LOXL1: variants seen among roughly 807,000 people sequenced by gnomAD.
LOXL1 encodes lysyl oxidase homolog 1.
In LOXL1, 31 loss-of-function variants were observed where a neutral mutation model predicts 62.2. The observed-to-expected ratio is 0.50, with a 90% CI of 0.37 to 0.67. The LOEUF (loss-of-function observed/expected upper bound fraction) is 0.67. Among genes scored for constraint, LOXL1 ranks in the 30% least tolerant of loss-of-function variants. The pLI is 0.00. For synonymous variants in LOXL1, 403 were observed against 384.4 expected (o/e 1.05, Z -0.56); for missense variants, 775 against 843.4 (o/e 0.92, Z 1.00).
intron 1 of LOXL1, among the ~76,000 whole-genome samples, chr15:73,931,632 C>T (rs1030107033): frequency 2.0e-5 from 3 of 152,168 alleles, no homozygotes; most frequent in Admixed American, 2.0e-4. Flanking sequence ...TGTCCAGCCT[C>T]CTGCACCCAA....
intron 3 of LOXL1, 100 bp from the exon 4 acceptor site, chr15:73,946,967 C>A: frequency 2.3e-6 from 3 of 1,299,288 alleles, no homozygotes; most frequent in South Asian, 3.1e-5. Flanking sequence ...GGAGGCTGTG[C>A]CACAGCAGGG....
At chr15:73,943,729 T>C (rs2068730518) in intron 2 of LOXL1, among the ~76,000 whole-genome samples, 1 of 152,254 alleles carries the variant, frequency 6.6e-6, no homozygotes, top group South Asian at 2.1e-4. Context: ...GTTATCTGCT[T>C]CTTTTGTTAA....
chr15:73,927,133 A>G lies in LOXL1; in HGVS notation c.350A>G (p.His117Arg). 7.0e-7 allele frequency: 1 copy of G among 1,432,712 alleles called. No individual in the cohort carries two copies. Among genetic ancestry groups the G allele is most frequent in the Non-Finnish European group, 9.2e-7 (1 of 1,087,798 alleles). 88.7% of individuals were successfully genotyped at this position (1,432,712 alleles called of 1,614,324 possible). A position where few individuals can be genotyped will look rare whatever the true frequency, so the allele number is the denominator to read the frequency against. Residue 117 changes from histidine (H) to arginine (R), a missense_variant, in exon 1 of 7, where the codon CAC (histidine) becomes CGC (arginine). His to Arg is a conservative substitution (Grantham distance 29). Transcript: ENST00000261921. ...GACACCGTGCGCGGCCAGGCGCGGC[A>G]CCCATTCGGCTTTGGCCAGGTGCCC... ...GSDTVRGQAR[H>R]PFGFGQVPDN... is the part of the protein sequence containing the mutation.
chr15:73,937,155 G>A (rs184729306), intron 1 of LOXL1, among the ~76,000 whole-genome samples: 139 of 152,302 alleles, frequency 9.1e-4, no homozygotes, highest in Non-Finnish European at 1.4e-3. Flanking sequence ...GGGCGGGCAC[G>A]GGAGCCGTCA....
chr15:73,928,053 CT>C (rs2068604370), intron 1 of LOXL1, 168 bp downstream of exon 1: 1 of 527,600 alleles, frequency 1.9e-6, no homozygotes, highest in Middle Eastern at 5.3e-4. Flanking sequence ...CAGCACCCCC[CT>C]GGCATCTCAC....
At chr15:73,931,257 G>A (rs1382347954) in intron 1 of LOXL1, among the ~76,000 whole-genome samples, 6 of 148,076 alleles carry the variant, frequency 4.1e-5, no homozygotes, top group Admixed American at 1.4e-4. Flanking sequence ...CTTGCCTGAC[G>A]TGTGTCCTCT....
intron 2 of LOXL1, 112 bp downstream of exon 2, chr15:73,943,074 C>A: frequency 1.2e-6 from 1 of 806,250 alleles, no homozygotes; most frequent in Non-Finnish European, 2.1e-6. Flanking sequence ...TGACCCTGGC[C>A]AAGTGCCCCA....
chr15:73,928,013 C>G (rs2068603796), intron 1 of LOXL1, 128 bp downstream of exon 1: 1 of 886,620 alleles, frequency 1.1e-6, no homozygotes, highest in Non-Finnish European at 1.5e-6. Context: ...CGGAGCAGCG[C>G]CCCCTCCCGA....
At position 73,946,447 on chromosome 15, in the gene LOXL1, C is replaced by T. The variant is rs200271730; in HGVS notation, c.1242C>T (p.Tyr414=). 2.8e-5 allele frequency: 45 copies of T among 1,610,040 alleles called. No individual in the cohort carries two copies. The Middle Eastern group carries it at 5.0e-4, about 18-fold the overall frequency. The part of the protein sequence containing the change: ...STAYAPEATD[Y]DVRVLLRFPQ... ...CCTATGCCCCTGAGGCCACCGACTA[C>T]GATGTGCGGGTGCTACTGCGCTTCC... Residue 414 remains tyrosine (Y), a synonymous_variant, in exon 3 of 7, where the codon TAC becomes TAT. Transcript: ENST00000261921.
rs1436408865 is a variant in LOXL1, at chr15:73,930,561, C to A, written c.1102+2676C>A. Among the ~76,000 whole-genome samples the A allele has an allele frequency of 6.6e-6, 1 of 152,184 alleles. No homozygotes were observed. Among genetic ancestry groups the A allele is most frequent in the African/African-American group, 2.4e-5 (1 of 41,442 alleles). Reference sequence around the variant, plus strand: ...GGTGTGGGAGCCCAAGGCGGATTCTCCGAGACTGACTTCATTCCTCCTGGC... The same window carrying A: ...GGTGTGGGAGCCCAAGGCGGATTCTACGAGACTGACTTCATTCCTCCTGGC... On this transcript the variant is annotated intron_variant, in intron 1 of 6. Transcript: ENST00000261921. This position sits in a 1 kb window ranked among gnomAD's most constrained non-coding sequence, Gnocchi z 4.7.
At chr15:73,937,014 G>A (rs2068678054) in intron 1 of LOXL1, among the ~76,000 whole-genome samples, 1 of 152,288 alleles carries the variant, frequency 6.6e-6, no homozygotes, top group Non-Finnish European at 1.5e-5. Context: ...GATGGGGAAA[G>A]TGAGCCTCAG....
Position 73,945,342 on chromosome 15 carries a change from G to A in LOXL1, c.1212-1075G>A, listed in dbSNP as rs2068740785. Among the ~76,000 whole-genome samples the A allele has an allele frequency of 6.6e-6, 1 of 152,210 alleles. No homozygotes were observed. Among genetic ancestry groups the A allele is most frequent in the Non-Finnish European group, 1.5e-5 (1 of 68,050 alleles). ...ATGGTATCGGGCTGTGCTGCAGTCA[G>A]TGCTGTTAGAGCTCACAGGCAATCC... On this transcript the variant is annotated intron_variant, in intron 2 of 6. Coordinates refer to ENST00000261921, the MANE Select transcript of LOXL1 (RefSeq NM_005576.4). The surrounding 1 kb of genome is among the most constrained non-coding windows in gnomAD (Gnocchi z 4.3).
rs752469342 is a variant in LOXL1 at position 73,947,195 on chromosome 15, A to T, written c.1478A>T (p.Lys493Met). ...EDSTCDFGNL[K>M]RYACTSHTQG... Reference sequence around the variant, plus strand: ...AGCACCTGTGACTTCGGCAACCTCAAGCGCTATGCATGCACCTCTCATACC... The same window carrying T: ...AGCACCTGTGACTTCGGCAACCTCATGCGCTATGCATGCACCTCTCATACC... The change falls in exon 4 of 7, where the codon AAG becomes ATG. Residue 493 changes from lysine to methionine, a missense_variant. Coordinates refer to ENST00000261921, the MANE Select transcript of LOXL1 (RefSeq NM_005576.4). 39 of 1,612,132 alleles carry T rather than the reference A, an allele frequency of 2.4e-5. No homozygotes were observed. Among genetic ancestry groups the T allele is most frequent in the Non-Finnish European group, 2.3e-5 (27 of 1,178,540 alleles).
Position 73,951,852 on chromosome 15 carries a change from A to AG in LOXL1, c.*16dup. 1 of 1,540,700 alleles carries AG rather than the reference A, an allele frequency of 6.5e-7. No individual in the cohort carries two copies. Among genetic ancestry groups the AG allele is most frequent in the Non-Finnish European group, 8.8e-7 (1 of 1,139,050 alleles). On this transcript the variant is annotated 3_prime_UTR_variant, in exon 7 of 7. Transcript: ENST00000261921. ...TCAGATCCTGATCTCCGGGAGGGAC[A>AG]GATGGCCAATCTCTCCCCTTCCAAA...
Position 73,946,564 on chromosome 15 carries a change from G to A in LOXL1, c.1349+10G>A. ...GGCACAGCTGCCACCAGTGAGTGGGGAGGGGCTGGGCCCGTCCTCTTCCAC... is the reference window on the plus strand; with the variant it reads ...GGCACAGCTGCCACCAGTGAGTGGGAAGGGGCTGGGCCCGTCCTCTTCCAC... On this transcript the variant is annotated intron_variant, in intron 3 of 6. Transcript: ENST00000261921. 3 of 1,597,074 alleles carry A rather than the reference G, an allele frequency of 1.9e-6. No individual in the cohort carries two copies. Among genetic ancestry groups the A allele is most frequent in the Non-Finnish European group, 8.5e-7 (1 of 1,171,722 alleles).
rs1409589215 is a variant in LOXL1, at chr15:73,947,839, T to G, written c.1539T>G (p.Asn513Lys). 6.2e-7 allele frequency: 1 copy of G among 1,613,748 alleles called. No homozygotes were observed. The highest frequency in any genetic ancestry group is 8.5e-7 in the Non-Finnish European group (1 of 1,179,752). Residue 513 changes from asparagine (N) to lysine (K), a missense_variant, in exon 5 of 7, where the codon AAT (asparagine) becomes AAG (lysine). Physicochemically the swap from Asn to Lys is moderately conservative, Grantham distance 94. Transcript: ENST00000261921. ...GCCCAGGCTGCTATGACACCTACAA[T>G]GCGGACATCGACTGCCAGTGGATCG... ...GLSPGCYDTY[N>K]ADIDCQWIDI...
At chr15:73,949,753 G>A (rs1228771211) in intron 6 of LOXL1, among the ~76,000 whole-genome samples, 179 bp downstream of exon 6, 2 of 152,136 alleles carry the variant, frequency 1.3e-5, no homozygotes, top group African/African-American at 2.4e-5. Context: ...AGTGTTTACG[G>A]TGGGGCTCAG....
At position 73,949,528 on chromosome 15, in the gene LOXL1, C is replaced by T; in HGVS notation, c.1672C>T (p.His558Tyr). ...CAACAACGTGGTGAGATGCAACATT[C>T]ACTACACAGGTCGCTACGTTTCTGC... The part of the protein sequence containing the change: ...FTNNVVRCNI[H>Y]YTGRYVSATN... Residue 558 changes from histidine (H) to tyrosine (Y), a missense_variant, in exon 6 of 7, where the codon CAC (histidine) becomes TAC (tyrosine). Transcript: ENST00000261921. 1 of 1,614,174 alleles carries T rather than the reference C, an allele frequency of 6.2e-7. No homozygotes were observed. The highest frequency in any genetic ancestry group is 8.5e-7 in the Non-Finnish European group (1 of 1,180,008).
intron 1 of LOXL1, among the ~76,000 whole-genome samples, chr15:73,938,520 G>A (rs766755336): frequency 7.9e-5 from 12 of 152,012 alleles, no homozygotes; most frequent in Non-Finnish European, 1.5e-4. Context: ...AGACCAGCCT[G>A]GCCAACATGG....
Sources: gnomAD v4.1 joint callset for allele counts (sites outside exome capture counted in the v4.1 genomes callset) on GRCh38, gnomAD v4.1.1 for gene constraint, Gnocchi (gnomAD v3.1) non-coding constraint, MANE v1.5 for transcripts, NCBI Gene and HGNC (gene_info 2026-07-23, HGNC 2026-07-21) for gene names.